The following C4orf17 variants were observed in gnomAD, a reference collection of about 807,000 sequenced individuals.
The protein encoded by C4orf17 is chromosome 4 open reading frame 17.
A neutral mutation model predicts 32.0 loss-of-function variants in C4orf17; 25 were observed. The observed-to-expected ratio is 0.78, with a 90% CI of 0.57 to 1.09. The LOEUF (loss-of-function observed/expected upper bound fraction) is 1.09. C4orf17 is among the 50% of genes least tolerant of loss of function. The probability of loss-of-function intolerance (pLI) is 0.00; values close to 1 mark genes in which losing one functional copy is unlikely to be tolerated. For missense variants in C4orf17, 420 were observed against 420.0 expected, an observed-to-expected ratio of 1.00 and a Z score of 0.00; for synonymous variants, 149 against 145.8, an observed-to-expected ratio of 1.02 and a Z score of -0.16.
chr4:99,524,124 C>G (rs1009613966), intron 3 of C4orf17, among the ~76,000 whole-genome samples: 1 of 151,770 alleles, frequency 6.6e-6, no homozygotes, highest in Non-Finnish European at 1.5e-5. Context: ...GGACTACAGG[C>G]GCCCGCCACC....
In C4orf17 at chr4:99,522,557, T is replaced by C; in HGVS notation, c.185T>C (p.Leu62Ser). The C allele has an allele frequency of 6.2e-7, 1 of 1,613,956 alleles. No homozygotes were observed. The highest frequency in any genetic ancestry group is 8.5e-7 in the Non-Finnish European group (1 of 1,179,906). The change falls in exon 3 of 9, where the codon TTG becomes TCG. Residue 62 changes from leucine (L) to serine (S), a missense_variant. Transcript: ENST00000326581. ...GATGATGAGAATGCATTTGGAACAT[T>C]GTGGGGAGTTGGCCAGTCTAACTAC... The part of the protein sequence containing the change: ...VNDDENAFGT[L>S]WGVGQSNYLE...
intron 2 of C4orf17, among the ~76,000 whole-genome samples, chr4:99,514,758 T>A (rs2110164677): frequency 6.6e-6 from 1 of 152,274 alleles, no homozygotes; most frequent in African/African-American, 2.4e-5. Flanking sequence ...CTACTGGGTA[T>A]CTACTAAAAG....
intron 4 of C4orf17, among the ~76,000 whole-genome samples, chr4:99,524,919 A>C (rs965106129): frequency 2.0e-5 from 3 of 152,206 alleles, no homozygotes; most frequent in African/African-American, 7.2e-5. Flanking sequence ...ATTTTATAAA[A>C]ATAAAGTCAT....
intron 2 of C4orf17, among the ~76,000 whole-genome samples, chr4:99,520,330 C>T (rs75808758): frequency 1.3e-5 from 2 of 151,996 alleles, no homozygotes; most frequent in African/African-American, 2.4e-5. Context: ...CTCCTGACCT[C>T]GTGATCCGCC....
chr4:99,518,518 AATATAT>A (rs1323508832), intron 2 of C4orf17, among the ~76,000 whole-genome samples: 6 of 16,830 alleles, frequency 3.6e-4, no homozygotes, highest in Non-Finnish European at 4.5e-4. Context: ...AAAAAAAAAA[AATATAT>A]ATATATATAT....
intron 2 of C4orf17, among the ~76,000 whole-genome samples, chr4:99,517,273 T>C (rs1723203737): frequency 6.6e-6 from 1 of 152,160 alleles, no homozygotes; most frequent in Non-Finnish European, 1.5e-5. Flanking sequence ...GGAAGTGGCA[T>C]GCACAGATTA....
chr4:99,515,340 T>TA (rs1404544546), intron 2 of C4orf17, among the ~76,000 whole-genome samples: 4 of 152,106 alleles, frequency 2.6e-5, no homozygotes, highest in Non-Finnish European at 4.4e-5. Context: ...ATGTGGTACA[T>TA]ATACACCATG....
intron 2 of C4orf17, among the ~76,000 whole-genome samples, chr4:99,519,989 A>G (rs1286230859): frequency 6.6e-6 from 1 of 152,226 alleles, no homozygotes; most frequent in Non-Finnish European, 1.5e-5. Context: ...GTCACTGTAA[A>G]GAAGTCATAG....
chr4:99,529,980 T>C, intron 5 of C4orf17, 22 bp downstream of exon 5: 1 of 1,591,098 alleles, frequency 6.3e-7, no homozygotes, highest in Middle Eastern at 1.7e-4. Flanking sequence ...GTTTATCAAA[T>C]CCATAACTTG....
chr4:99,525,176 T>A (rs893577928), intron 4 of C4orf17, among the ~76,000 whole-genome samples: 53 of 152,254 alleles, frequency 3.5e-4, no homozygotes, highest in Non-Finnish European at 3.5e-4. Context: ...TCTTTTCTCC[T>A]GGATAATTCC....
intron 2 of C4orf17, among the ~76,000 whole-genome samples, chr4:99,521,241 T>C (rs1167055849): frequency 6.6e-6 from 1 of 151,900 alleles, no homozygotes; most frequent in African/African-American, 2.4e-5. Flanking sequence ...GACATGATGG[T>C]GCACATCTGT....
At chr4:99,521,721 C>T (rs1043212294) in intron 2 of C4orf17, among the ~76,000 whole-genome samples, 11 of 152,162 alleles carry the variant, frequency 7.2e-5, no homozygotes, top group Admixed American at 3.9e-4. Flanking sequence ...GGGAAGACAA[C>T]GCAGCCATCT....
In C4orf17 at chr4:99,539,307, C is replaced by T; in HGVS notation, c.773C>T (p.Pro258Leu). The T allele has an allele frequency of 6.2e-7, 1 of 1,614,044 alleles. No individual in the cohort carries two copies. Among genetic ancestry groups the T allele is most frequent in the Non-Finnish European group, 8.5e-7 (1 of 1,179,944 alleles). Residue 258 changes from proline to leucine, a missense_variant, in exon 7 of 9, where the codon CCC (proline) becomes CTC (leucine). Coordinates refer to ENST00000326581, the MANE Select transcript of C4orf17 (RefSeq NM_032149.3). ...AAATCACCACCCACAGTTAAATTGC[C>T]CCCAAATTTTACTGCAAAATCAAAA... ...TVKSPPTVKL[P>L]PNFTAKSKVL...
chr4:99,522,801 G>A (rs750613307), intron 3 of C4orf17, 92 bp downstream of exon 3: 10 of 964,864 alleles, frequency 1.0e-5, no homozygotes, highest in Non-Finnish European at 1.5e-5. Flanking sequence ...AGCTGCAGTG[G>A]TTTTTACATC....
At chr4:99,515,733 C>T (rs1162010783) in intron 2 of C4orf17, among the ~76,000 whole-genome samples, 1 of 151,474 alleles carries the variant, frequency 6.6e-6, no homozygotes, top group African/African-American at 2.4e-5. Context: ...ATCCATGTAA[C>T]CAAAAATCAC....
At chr4:99,518,542 T>TAGAGAGAG (rs1474420492) in intron 2 of C4orf17, among the ~76,000 whole-genome samples, 1 of 60,146 alleles carries the variant, frequency 1.7e-5, no homozygotes, top group Non-Finnish European at 2.8e-5. Flanking sequence ...TATATATATA[T>TAGAGAGAG]ATAGAGAGAG....
intron 5 of C4orf17, among the ~76,000 whole-genome samples, chr4:99,530,691 T>C (rs754806099): frequency 1.9e-4 from 29 of 152,128 alleles, no homozygotes; most frequent in Non-Finnish European, 3.7e-4. Context: ...GTTGTAGAGA[T>C]GGTTATTGAA....
chr4:99,539,455 T>C (rs1723618280), intron 7 of C4orf17, 85 bp downstream of exon 7: 1 of 1,134,882 alleles, frequency 8.8e-7, no homozygotes, highest in Non-Finnish European at 1.3e-6. Context: ...TTTCAAAATG[T>C]TAAACAGGAG....
intron 3 of C4orf17, 36 bp downstream of exon 3, chr4:99,522,745 T>C (rs1468415285): frequency 2.0e-6 from 3 of 1,535,476 alleles, no homozygotes; most frequent in African/African-American, 2.7e-5. Context: ...TGTTTCCTTA[T>C]GCCTCCTGCA....
Sources: gnomAD v4.1 joint callset for allele counts (sites outside exome capture counted in the v4.1 genomes callset) on GRCh38, gnomAD v4.1.1 for gene constraint, MANE v1.5 for transcripts, NCBI Gene and HGNC (gene_info 2026-07-23, HGNC 2026-07-21) for gene names.